Variants in PIK3CB observed in about 807,000 individuals in gnomAD.
The protein encoded by PIK3CB is phosphatidylinositol-4,5-bisphosphate 3-kinase catalytic subunit beta.
Under a neutral mutation model 136.8 loss-of-function variants are expected in PIK3CB, and 39 were observed. That is an observed-to-expected ratio of 0.29 (90% CI 0.22 to 0.37). PIK3CB has a LOEUF of 0.37. PIK3CB is among the 10% of genes least tolerant of loss of function. The pLI is 1.00. For synonymous variants in PIK3CB, 428 were observed against 436.6 expected, an observed-to-expected ratio of 0.98 and a Z score of 0.25; for missense variants, 868 against 1,275.4, an observed-to-expected ratio of 0.68 and a Z score of 4.87.
chr3:138,663,671 C>T (rs370195782), intron 21 of PIK3CB, among the ~76,000 whole-genome samples: 14 of 152,122 alleles, frequency 9.2e-5, no homozygotes, highest in Admixed American at 5.9e-4. Context: ...CGTGAGCCAC[C>T]ACACACAGCC....
chr3:138,726,987 G>C (rs1201029782), intron 8 of PIK3CB, among the ~76,000 whole-genome samples: 1 of 152,022 alleles, frequency 6.6e-6, no homozygotes, highest in African/African-American at 2.4e-5. Context: ...GGAAGTCAAG[G>C]CTGCAGTGAG....
intron 19 of PIK3CB, among the ~76,000 whole-genome samples, chr3:138,679,189 C>T (rs190138391): frequency 8.5e-5 from 13 of 152,098 alleles, no homozygotes; most frequent in African/African-American, 1.2e-4. Flanking sequence ...AACATACCTA[C>T]GAAGTGACAA....
chr3:138,687,646 G>T (rs2043922518), intron 16 of PIK3CB, among the ~76,000 whole-genome samples: 1 of 151,964 alleles, frequency 6.6e-6, no homozygotes, highest in African/African-American at 2.4e-5. Flanking sequence ...TCTAGAGATG[G>T]GTCTCACTAT....
At chr3:138,700,652 C>T (rs2044230020) in intron 12 of PIK3CB, among the ~76,000 whole-genome samples, 1 of 151,858 alleles carries the variant, frequency 6.6e-6, no homozygotes, top group African/African-American at 2.4e-5. Context: ...TGTACCATTG[C>T]ACTCCAGCCC....
chr3:138,827,840 T>A (rs1463553309), intron 1 of PIK3CB, among the ~76,000 whole-genome samples: 6 of 146,876 alleles, frequency 4.1e-5, no homozygotes, highest in East Asian at 2.3e-4. Context: ...AAAAAAAAAA[T>A]TAGCCGGGCG....
At chr3:138,790,783 C>T (rs888920741) in intron 2 of PIK3CB, among the ~76,000 whole-genome samples, 2 of 148,048 alleles carry the variant, frequency 1.4e-5, no homozygotes, top group African/African-American at 5.0e-5. Flanking sequence ...CACTGTACTC[C>T]AGCCTAGGTG....
At chr3:138,672,462 C>T (rs972739346) in intron 19 of PIK3CB, among the ~76,000 whole-genome samples, 1 of 152,170 alleles carries the variant, frequency 6.6e-6, no homozygotes, top group Non-Finnish European at 1.5e-5. Flanking sequence ...GATCCATTCA[C>T]AACCCAGGGA....
chr3:138,664,984 A>G (rs2043377371), intron 20 of PIK3CB, 52 bp downstream of exon 20: 2 of 1,290,230 alleles, frequency 1.6e-6, no homozygotes, highest in South Asian at 2.9e-5. Context: ...AGCATACAGT[A>G]TTTGTTTGGC....
intron 1 of PIK3CB, among the ~76,000 whole-genome samples, chr3:138,831,625 A>C (rs923101504): frequency 6.3e-5 from 9 of 142,666 alleles, no homozygotes; most frequent in African/African-American, 2.1e-4. Context: ...AAAAATAAAA[A>C]TAAATAATTT....
rs555492700 is a variant in PIK3CB at position 138,718,222 on chromosome 3, C to T, written c.1051-3503G>A. Among the ~76,000 whole-genome samples the T allele has an allele frequency of 4.4e-3, 676 of 152,168 alleles. 7 individuals are homozygous for T. Among genetic ancestry groups the T allele is most frequent in the African/African-American group, 0.014 (595 of 41,498 alleles). On this transcript the variant is annotated intron_variant, in intron 8 of 23. Transcript: ENST00000674063. Reference sequence around the variant, plus strand: ...TTTGACTTTTTAACAATAGCCATTGCGACTGGTGTGAGATGGTATCTCATT... The same window carrying T: ...TTTGACTTTTTAACAATAGCCATTGTGACTGGTGTGAGATGGTATCTCATT...
At chr3:138,788,629 C>G (rs1439319563) in intron 2 of PIK3CB, among the ~76,000 whole-genome samples, 1 of 116,738 alleles carries the variant, frequency 8.6e-6, no homozygotes, top group African/African-American at 3.3e-5. Flanking sequence ...TGCACTCAAG[C>G]CTGGGTGACA....
chr3:138,764,965 C>T (rs1430453628), intron 2 of PIK3CB, among the ~76,000 whole-genome samples: 1 of 152,160 alleles, frequency 6.6e-6, no homozygotes, highest in East Asian at 1.9e-4. Flanking sequence ...GCTCCTGGCA[C>T]ATATTAGCCT....
Position 138,660,922 on chromosome 3 carries a change from G to T in PIK3CB, c.2796+2984C>A, listed in dbSNP as rs143128677. On this transcript the variant is annotated intron_variant, in intron 21 of 23. Transcript: ENST00000674063. ...AAAATTCTATGTACATGGTAGGCTT[G>T]CTTGTTGATTGGTGGACTTCCTTGT... 3.7e-3 allele frequency among the ~76,000 whole-genome samples: 561 copies of T among 152,316 alleles called. 5 individuals are homozygous for T. The highest frequency in any genetic ancestry group is 5.9e-3 in the Admixed American group (91 of 15,298).
chr3:138,832,038 C>T (rs753454811), intron 1 of PIK3CB, among the ~76,000 whole-genome samples: 1 of 152,228 alleles, frequency 6.6e-6, no homozygotes, highest in Non-Finnish European at 1.5e-5. Flanking sequence ...CCAGCCTTTT[C>T]ACAGTGGCTA....
intron 19 of PIK3CB, among the ~76,000 whole-genome samples, chr3:138,673,321 T>C (rs901925333): frequency 6.6e-6 from 1 of 150,556 alleles, no homozygotes; most frequent in African/African-American, 2.5e-5. Flanking sequence ...ATGAAAATGG[T>C]GATAAAAAAA....
intron 21 of PIK3CB, among the ~76,000 whole-genome samples, chr3:138,662,123 T>A (rs957492083): frequency 6.6e-6 from 1 of 151,770 alleles, no homozygotes; most frequent in African/African-American, 2.4e-5. Context: ...CTTTTTTTTT[T>A]TTTTTATTTT....
intron 1 of PIK3CB, among the ~76,000 whole-genome samples, chr3:138,811,644 T>G (rs1372225888): frequency 3.3e-5 from 5 of 152,116 alleles, no homozygotes. Context: ...CAGGATGGTC[T>G]TGATCTCCTG....
chr3:138,794,559 G>T (rs2046087915), intron 2 of PIK3CB, among the ~76,000 whole-genome samples: 1 of 152,144 alleles, frequency 6.6e-6, no homozygotes, highest in East Asian at 1.9e-4. Flanking sequence ...TCTATGAGAT[G>T]CAGGATTGAT....
In PIK3CB at chr3:138,774,808, A is replaced by G. The variant is rs539565893; in HGVS notation, c.-16-15449T>C. Reference sequence around the variant, plus strand: ...AGCTTACAGCTGTAGAAAATGCACTATTCCAGGCTTTGAATTCTTTTAGTT... The same window carrying G: ...AGCTTACAGCTGTAGAAAATGCACTGTTCCAGGCTTTGAATTCTTTTAGTT... On this transcript the variant is annotated intron_variant, in intron 2 of 23. Coordinates refer to ENST00000674063, the MANE Select transcript of PIK3CB (RefSeq NM_006219.3). Among the ~76,000 whole-genome samples the G allele has an allele frequency of 1.6e-4, 24 of 152,366 alleles. 2 individuals are homozygous for G. In the South Asian group the frequency reaches 5.0e-3, roughly 32 times the overall value.
Sources: allele counts gnomAD v4.1 joint callset (sites outside exome capture counted in the v4.1 genomes callset), GRCh38; gene constraint gnomAD v4.1.1; transcripts MANE v1.5; gene names NCBI Gene and HGNC (gene_info 2026-07-23, HGNC 2026-07-21).